Variants in CRPPA observed in about 807,000 individuals in gnomAD.
The protein encoded by CRPPA is CDP-L-ribitol pyrophosphorylase A.
A neutral mutation model predicts 52.0 loss-of-function variants in CRPPA; 43 were observed. The observed-to-expected ratio is 0.83, with a 90% CI of 0.65 to 1.07. The LOEUF (loss-of-function observed/expected upper bound fraction) is 1.07. CRPPA is among the 50% of genes least tolerant of loss of function. The probability of loss-of-function intolerance (pLI) is 0.00; values close to 1 mark genes in which losing one functional copy is unlikely to be tolerated. For missense variants in CRPPA, 629 were observed against 551.7 expected (o/e 1.14, Z -1.40); for synonymous variants, 250 against 203.5 (o/e 1.23, Z -1.94).
intron 8 of CRPPA, among the ~76,000 whole-genome samples, chr7:16,222,482 A>C (rs995842006): frequency 6.6e-6 from 1 of 152,062 alleles, no homozygotes; most frequent in African/African-American, 2.4e-5. Context: ...CCAAATGCTA[A>C]TATTCTATTT....
At chr7:16,323,579 C>G (rs956062089) in intron 3 of CRPPA, among the ~76,000 whole-genome samples, 1 of 152,178 alleles carries the variant, frequency 6.6e-6, no homozygotes, top group Non-Finnish European at 1.5e-5. Context: ...CAAGTCCACT[C>G]CAAATCAGAG....
chr7:16,171,363 C>T (rs1490620861), intron 9 of CRPPA, among the ~76,000 whole-genome samples: 1 of 152,140 alleles, frequency 6.6e-6, no homozygotes. Flanking sequence ...TTTCACCTAT[C>T]TTGTGTGCTT....
At chr7:16,197,203 G>A (rs916305881) in intron 9 of CRPPA, among the ~76,000 whole-genome samples, 4 of 152,144 alleles carry the variant, frequency 2.6e-5, no homozygotes, top group Admixed American at 6.5e-5. Context: ...ATGAGGACTA[G>A]GTTGATAGGG....
chr7:16,250,069 G>A (rs1562584817), intron 8 of CRPPA, among the ~76,000 whole-genome samples: 1 of 152,198 alleles, frequency 6.6e-6, no homozygotes, highest in Non-Finnish European at 1.5e-5. Context: ...TGCAGCACAA[G>A]AACTTCGTGA....
intron 2 of CRPPA, among the ~76,000 whole-genome samples, chr7:16,403,933 A>T (rs1420571270): frequency 2.0e-5 from 3 of 152,174 alleles, no homozygotes; most frequent in Non-Finnish European, 4.4e-5. Context: ...ATGCAAATGA[A>T]TTTTGTCTAT....
At chr7:16,102,216 C>G (rs1467100147) in intron 9 of CRPPA, among the ~76,000 whole-genome samples, 5 of 152,142 alleles carry the variant, frequency 3.3e-5, no homozygotes, top group South Asian at 2.1e-4. Flanking sequence ...AAAGGATTCC[C>G]TATTTAATAA....
chr7:16,378,804 T>C (rs529972834), intron 2 of CRPPA, among the ~76,000 whole-genome samples: 1 of 152,204 alleles, frequency 6.6e-6, no homozygotes, highest in Non-Finnish European at 1.5e-5. Flanking sequence ...ATTGCCATTC[T>C]AACTTGTGTG....
intron 9 of CRPPA, among the ~76,000 whole-genome samples, chr7:16,187,503 T>G (rs957316246): frequency 2.6e-5 from 4 of 152,236 alleles, no homozygotes; most frequent in African/African-American, 9.6e-5. Flanking sequence ...GTCTAACTTT[T>G]GCTTGTCAAT....
chr7:16,166,356 T>C (rs1443573974), intron 9 of CRPPA, among the ~76,000 whole-genome samples: 1 of 152,106 alleles, frequency 6.6e-6, no homozygotes, highest in Non-Finnish European at 1.5e-5. Context: ...CTCAGCTCAC[T>C]GCAACCTCTG....
intron 9 of CRPPA, among the ~76,000 whole-genome samples, chr7:16,205,420 T>G (rs1416511369): frequency 6.6e-6 from 1 of 152,154 alleles, no homozygotes; most frequent in East Asian, 1.9e-4. Flanking sequence ...GAAATTATAT[T>G]GGCCAGGTCA....
chr7:16,231,234 A>G (rs1371912641), intron 8 of CRPPA, among the ~76,000 whole-genome samples: 3 of 152,136 alleles, frequency 2.0e-5, no homozygotes, highest in African/African-American at 7.2e-5. Flanking sequence ...TCTTCAATGC[A>G]TATTTTCTTA....
At chr7:16,361,388 A>G (rs1786437992) in intron 3 of CRPPA, among the ~76,000 whole-genome samples, 1 of 152,178 alleles carries the variant, frequency 6.6e-6, no homozygotes, top group South Asian at 2.1e-4. Context: ...GAAAGCCGAG[A>G]CTCCAACAGA....
intron 3 of CRPPA, among the ~76,000 whole-genome samples, chr7:16,363,607 TAA>T (rs1362965208): frequency 6.6e-6 from 1 of 152,154 alleles, no homozygotes; most frequent in Non-Finnish European, 1.5e-5. Context: ...TTAAATTTGA[TAA>T]AGTCTTTATC....
At chr7:16,122,184 C>A (rs935112928) in intron 9 of CRPPA, among the ~76,000 whole-genome samples, 20 of 152,004 alleles carry the variant, frequency 1.3e-4, no homozygotes, top group African/African-American at 4.6e-4. Flanking sequence ...AGAACACGCA[C>A]AATCAAAAGG....
intron 9 of CRPPA, among the ~76,000 whole-genome samples, chr7:16,190,036 A>G (rs1390425233): frequency 2.0e-5 from 3 of 152,188 alleles, no homozygotes; most frequent in Non-Finnish European, 2.9e-5. Flanking sequence ...CTCTCATACA[A>G]TAACTCTTTG....
chr7:16,399,903 T>C (rs1224393942), intron 2 of CRPPA, among the ~76,000 whole-genome samples: 4 of 152,014 alleles, frequency 2.6e-5, no homozygotes, highest in Non-Finnish European at 1.5e-5. Context: ...CGTTATGTGA[T>C]CAACACGTGT....
intron 5 of CRPPA, among the ~76,000 whole-genome samples, chr7:16,297,473 C>T (rs181882570): frequency 9.2e-5 from 14 of 152,202 alleles, no homozygotes; most frequent in African/African-American, 2.9e-4. Flanking sequence ...CCCTTAGATT[C>T]TAGGGAAAAA....
intron 5 of CRPPA, among the ~76,000 whole-genome samples, chr7:16,293,974 A>G (rs1784616952): frequency 6.6e-6 from 1 of 151,836 alleles, no homozygotes; most frequent in East Asian, 1.9e-4. Context: ...TTGCCTATTA[A>G]ACTCCCTGCT....
intron 3 of CRPPA, among the ~76,000 whole-genome samples, chr7:16,353,851 CAA>C (rs5882569): frequency 2.0e-5 from 3 of 150,446 alleles, no homozygotes; most frequent in Non-Finnish European, 1.5e-5. Flanking sequence ...CTCCATCTCA[CAA>C]AAAAAAAAAT....
Sources: gnomAD v4.1 joint callset for allele counts (sites outside exome capture counted in the v4.1 genomes callset) on GRCh38, gnomAD v4.1.1 for gene constraint, MANE v1.5 for transcripts, NCBI Gene and HGNC (gene_info 2026-07-23, HGNC 2026-07-21) for gene names.